DPH6: variants seen among roughly 807,000 people sequenced by gnomAD.
DPH6 encodes the protein diphthine--ammonia ligase.
Under a neutral mutation model 38.2 loss-of-function variants are expected in DPH6, and 33 were observed. The ratio of observed to expected loss-of-function variants is 0.86; its 90% CI spans 0.65 to 1.15. DPH6 has a LOEUF of 1.15. Among genes scored for constraint, DPH6 ranks in the 50% most tolerant of loss-of-function variants. The pLI is 0.00. For synonymous variants in DPH6, 108 were observed against 103.0 expected (o/e 1.05, Z -0.30); for missense variants, 325 against 320.0 (o/e 1.02, Z -0.12).
At chr15:35,402,314 GA>G (rs1263871037) in intron 6 of DPH6, among the ~76,000 whole-genome samples, 2 of 152,070 alleles carry the variant, frequency 1.3e-5, no homozygotes, top group African/African-American at 4.8e-5. Flanking sequence ...CATGAAAAGG[GA>G]TTACCCAAGC....
intron 1 of DPH6, among the ~76,000 whole-genome samples, chr15:35,544,451 T>C (rs1248463215): frequency 6.6e-6 from 1 of 152,018 alleles, no homozygotes; most frequent in East Asian, 1.9e-4. Flanking sequence ...TGTATACCTA[T>C]GTAAAAAAAC....
intron 3 of DPH6, among the ~76,000 whole-genome samples, chr15:35,359,970 T>C (rs1376372392): frequency 6.6e-6 from 1 of 152,210 alleles, no homozygotes; most frequent in Non-Finnish European, 1.5e-5. Flanking sequence ...TAAACTTCTT[T>C]AAAATGGTTA....
downstream of DPH6, among the ~76,000 whole-genome samples, chr15:35,368,228 GAGA>G (rs1332966315): frequency 1.3e-5 from 2 of 151,852 alleles, no homozygotes; most frequent in Non-Finnish European, 2.9e-5. Flanking sequence ...TAGTTAAAAA[GAGA>G]AGAAGAAAGG....
At chr15:35,303,800 T>A (rs1046713968) in intron 3 of DPH6, among the ~76,000 whole-genome samples, 3 of 151,788 alleles carry the variant, frequency 2.0e-5, no homozygotes, top group Admixed American at 1.3e-4. Context: ...CCTTTTTTTT[T>A]AAAGAAGGAT....
intron 3 of DPH6, among the ~76,000 whole-genome samples, chr15:35,293,178 A>G (rs951133913): frequency 2.0e-5 from 3 of 152,208 alleles, no homozygotes; most frequent in Non-Finnish European, 2.9e-5. Context: ...TGTAATTAAC[A>G]TATATCTCTT....
At chr15:35,509,337 A>G (rs980184680) in intron 3 of DPH6, among the ~76,000 whole-genome samples, 47 of 152,234 alleles carry the variant, frequency 3.1e-4, no homozygotes, top group Admixed American at 6.5e-5. Context: ...TTAGAGAAAA[A>G]AGAAAGCAAA....
intron 3 of DPH6, among the ~76,000 whole-genome samples, chr15:35,507,550 T>G (rs1157508439): frequency 2.6e-5 from 4 of 152,046 alleles, no homozygotes; most frequent in Non-Finnish European, 4.4e-5. Context: ...ACATTAAAAT[T>G]TTACCCCATA....
chr15:35,542,635 A>C lies in DPH6; in HGVS notation c.24-128T>G, dbSNP rs552953106. ...CAGAATATATTACAATGCAAAAAAA[A>C]CCCATTAATTTCTAAATCATAAACA... On this transcript the variant is annotated intron_variant, in intron 1 of 8. Coordinates refer to ENST00000256538, the MANE Select transcript of DPH6 (RefSeq NM_080650.4). 63 of 894,444 alleles carry C rather than the reference A, an allele frequency of 7.0e-5. No individual in the cohort carries two copies. The African/African-American group carries it at 7.5e-4, about 11-fold the overall frequency. 55.4% of individuals were successfully genotyped at this position (894,444 alleles called of 1,614,324 possible). A position where few individuals can be genotyped will look rare whatever the true frequency, so the allele number is the denominator to read the frequency against.
At chr15:35,179,017 AC>A in the DPH6 span, among the ~76,000 whole-genome samples, 1 of 151,496 alleles carries the variant, frequency 6.6e-6, no homozygotes, top group Non-Finnish European at 1.5e-5. Context: ...GACCAGCCTG[AC>A]CAACATGGAG....
At chr15:35,164,137 T>C in the DPH6 span, among the ~76,000 whole-genome samples, 2 of 151,958 alleles carry the variant, frequency 1.3e-5, no homozygotes, top group East Asian at 3.9e-4. Context: ...CTGTGCAACC[T>C]TGGAAACTGA....
intron 3 of DPH6, among the ~76,000 whole-genome samples, chr15:35,315,430 G>A (rs1566867407): frequency 6.6e-6 from 1 of 152,194 alleles, no homozygotes; most frequent in Non-Finnish European, 1.5e-5. Context: ...ATGTGTTTGA[G>A]CATAGTTATA....
At chr15:35,283,686 C>T (rs1291997502) in intron 3 of DPH6, among the ~76,000 whole-genome samples, 1 of 151,338 alleles carries the variant, frequency 6.6e-6, no homozygotes, top group East Asian at 1.9e-4. Flanking sequence ...ATATGTTCAA[C>T]CTAAAGTAAA....
chr15:35,392,390 G>A (rs1944731587), intron 6 of DPH6, among the ~76,000 whole-genome samples: 1 of 142,134 alleles, frequency 7.0e-6, no homozygotes, highest in South Asian at 2.3e-4. Context: ...TCACTTATCT[G>A]TTAGTCATTT....
chr15:35,260,282 A>G, intron 3 of DPH6, among the ~76,000 whole-genome samples: 1 of 151,834 alleles, frequency 6.6e-6, no homozygotes, highest in South Asian at 2.1e-4. Context: ...TAATTTTTGT[A>G]TTTTTAGTAG....
chr15:35,471,743 T>C (rs1188313775), intron 3 of DPH6, among the ~76,000 whole-genome samples: 1 of 152,240 alleles, frequency 6.6e-6, no homozygotes, highest in Non-Finnish European at 1.5e-5. Flanking sequence ...ATATTTGATC[T>C]TACTGATCAG....
the DPH6 span, among the ~76,000 whole-genome samples, chr15:35,205,015 A>G: frequency 6.6e-6 from 1 of 151,976 alleles, no homozygotes. Flanking sequence ...GCAAGTGTAG[A>G]TACAAAGTTC....
intron 3 of DPH6, among the ~76,000 whole-genome samples, chr15:35,308,902 A>G (rs368412192): frequency 7.9e-5 from 12 of 152,244 alleles, no homozygotes; most frequent in East Asian, 7.7e-4. Context: ...AAAGTACATT[A>G]TTGTGTTACT....
intron 3 of DPH6, among the ~76,000 whole-genome samples, chr15:35,470,495 G>A (rs1316872401): frequency 6.6e-6 from 1 of 152,188 alleles, no homozygotes; most frequent in Non-Finnish European, 1.5e-5. Flanking sequence ...GGGGAGATGA[G>A]AAAGAAAATA....
Position 35,521,559 on chromosome 15 carries a change from C to CA in DPH6, c.312+16714dup, listed in dbSNP as rs1482925997. 13 of 1,225,230 alleles carry CA rather than the reference C, an allele frequency of 1.1e-5. No individual in the cohort carries two copies. The Admixed American group carries it at 3.8e-4, about 36-fold the overall frequency. 75.9% of individuals were successfully genotyped at this position (1,225,230 alleles called of 1,614,324 possible). ...TTTGAAGAAATCTAAGAGAAAGTGT[C>CA]ATGAACTGTGAGAAAATGTATTTGC... On this transcript the variant is annotated intron_variant, in intron 3 of 8. Transcript: ENST00000256538.
Sources: gnomAD v4.1 joint callset for allele counts (sites outside exome capture counted in the v4.1 genomes callset) on GRCh38, gnomAD v4.1.1 for gene constraint, MANE v1.5 for transcripts, NCBI Gene and HGNC (gene_info 2026-07-23, HGNC 2026-07-21) for gene names.